The following EPSTI1 variants were observed in gnomAD, a reference collection of about 807,000 sequenced individuals.
The protein encoded by EPSTI1 is epithelial-stromal interaction protein 1.
A neutral mutation model predicts 49.9 loss-of-function variants in EPSTI1; 66 were observed. The ratio of observed to expected loss-of-function variants is 1.32; its 90% CI spans 1.08 to 1.62. The LOEUF (loss-of-function observed/expected upper bound fraction) is 1.62. EPSTI1 is among the 40% of genes most tolerant of loss of function. The pLI is 0.00. For missense variants in EPSTI1, 394 were observed against 365.5 expected (o/e 1.08, Z -0.64); for synonymous variants, 137 against 130.7 (o/e 1.05, Z -0.33).
At chr13:42,983,574 A>AAAAAAAAAC in intron 1 of EPSTI1, among the ~76,000 whole-genome samples, 3 of 101,046 alleles carry the variant, frequency 3.0e-5, no homozygotes, top group African/African-American at 8.0e-5. Context: ...AAAAAAAAAA[A>AAAAAAAAAC]AAAAAAAAAA....
At chr13:42,969,257 A>G in intron 2 of EPSTI1, 80 bp from the exon 3 acceptor site, 1 of 1,375,070 alleles carries the variant, frequency 7.3e-7, no homozygotes, top group South Asian at 1.2e-5. Flanking sequence ...ATAAGAAACA[A>G]CTATTAGAAG....
chr13:42,985,800 C>T (rs1234091653), intron 1 of EPSTI1, among the ~76,000 whole-genome samples: 2 of 152,158 alleles, frequency 1.3e-5, no homozygotes, highest in Non-Finnish European at 2.9e-5. Context: ...CCCTTTGGTC[C>T]ACTTCCTTGT....
At chr13:42,906,342 A>T (rs1180573517) in intron 8 of EPSTI1, among the ~76,000 whole-genome samples, 1 of 152,230 alleles carries the variant, frequency 6.6e-6, no homozygotes, top group Non-Finnish European at 1.5e-5. Flanking sequence ...ACATGCTCCA[A>T]AGCAAAGTTT....
At chr13:42,928,880 A>G (rs1031565178) in intron 6 of EPSTI1, among the ~76,000 whole-genome samples, 2 of 152,186 alleles carry the variant, frequency 1.3e-5, no homozygotes, top group African/African-American at 2.4e-5. Flanking sequence ...ATTCCCATGC[A>G]TGTGCCTCCA....
chr13:42,926,240 T>A (rs2038172662), intron 7 of EPSTI1, 96 bp downstream of exon 7: 2 of 785,190 alleles, frequency 2.5e-6, no homozygotes, highest in Admixed American at 3.5e-5. Context: ...GTTCCAGCAT[T>A]CTATGATGTA....
At chr13:42,936,066 T>C (rs1437692271) in intron 6 of EPSTI1, among the ~76,000 whole-genome samples, 3 of 152,186 alleles carry the variant, frequency 2.0e-5, no homozygotes, top group Non-Finnish European at 4.4e-5. Flanking sequence ...GACTGCTTCC[T>C]CAATTATAAA....
At chr13:42,889,587 AT>A (rs2036969176) in intron 10 of EPSTI1, among the ~76,000 whole-genome samples, 1 of 152,186 alleles carries the variant, frequency 6.6e-6, no homozygotes, top group Non-Finnish European at 1.5e-5. Flanking sequence ...GTCCTCATCT[AT>A]CAGTCTTTAA....
At chr13:42,962,707 G>C (rs2153431060) in intron 5 of EPSTI1, among the ~76,000 whole-genome samples, 1 of 151,788 alleles carries the variant, frequency 6.6e-6, no homozygotes, top group Non-Finnish European at 1.5e-5. Flanking sequence ...CTGACCCCAG[G>C]AGACTGAGGC....
rs2038019971 is a variant in EPSTI1, at chr13:42,922,139, A to G, written c.657+4197T>C. Among the ~76,000 whole-genome samples the G allele has an allele frequency of 6.6e-6, 1 of 152,248 alleles. No individual in the cohort carries two copies. The highest frequency in any genetic ancestry group is 2.1e-4 in the South Asian group (1 of 4,830). ...GAATAATTATAAGAATGAGAGGAAG[A>G]AATGAGTTAATAAGGTCTAAAATTG... is the stretch of plus-strand genomic sequence containing the variant. On this transcript the variant is annotated intron_variant, in intron 7 of 10. Transcript: ENST00000313624. The surrounding 1 kb of genome is among the most constrained non-coding windows in gnomAD (Gnocchi z 4.8).
At chr13:42,928,493 C>T (rs890848453) in intron 6 of EPSTI1, among the ~76,000 whole-genome samples, 3 of 152,174 alleles carry the variant, frequency 2.0e-5, no homozygotes, top group Non-Finnish European at 4.4e-5. Flanking sequence ...GACTCTACTG[C>T]CTGTTGGAGA....
intron 6 of EPSTI1, among the ~76,000 whole-genome samples, chr13:42,932,303 A>G (rs1319263817): frequency 1.3e-5 from 2 of 152,182 alleles, no homozygotes; most frequent in African/African-American, 2.4e-5. Context: ...CCAAAAGTTA[A>G]CTTTATGAAA....
chr13:42,936,224 A>G (rs189948072), intron 6 of EPSTI1, among the ~76,000 whole-genome samples: 5 of 152,250 alleles, frequency 3.3e-5, no homozygotes, highest in Admixed American at 3.3e-4. Context: ...GATCATTTCT[A>G]TCAGCATACA....
chr13:42,949,702 T>C (rs2039038348), intron 6 of EPSTI1, among the ~76,000 whole-genome samples: 1 of 152,098 alleles, frequency 6.6e-6, no homozygotes, highest in African/African-American at 2.4e-5. Context: ...CCAATTCTTA[T>C]ATCTCGAGAA....
At chr13:42,974,254 TGATCCCAGGGGGCAGAGGTTG>T (rs1364293142) in intron 1 of EPSTI1, among the ~76,000 whole-genome samples, 1 of 152,042 alleles carries the variant, frequency 6.6e-6, no homozygotes, top group East Asian at 1.9e-4. Context: ...GAGAATCGCT[TGATCCCAGGGGGCAGAGGTTG>T]CAGTGAGCTG....
rs200576120 is a variant in EPSTI1, at chr13:42,895,109, C to T, written c.816-1G>A. The T allele has an allele frequency of 6.4e-4, 1,036 of 1,607,332 alleles. 13 individuals carry two copies. In the South Asian group the frequency reaches 0.011, roughly 17 times the overall value. On this transcript the variant is annotated splice_acceptor_variant, in intron 9 of 10. Transcript: ENST00000313624. LOFTEE classifies it high-confidence loss of function. ...TCGGTCCAGAAAAGCATTATTTACC[C>T]TTTAAAACAATGAAAAATGTGTGTG...
chr13:42,919,518 G>T (rs2037933951), intron 7 of EPSTI1, among the ~76,000 whole-genome samples: 1 of 152,092 alleles, frequency 6.6e-6, no homozygotes, highest in East Asian at 1.9e-4. Flanking sequence ...CAAAAGCTAT[G>T]CTTATAATGT....
chr13:42,948,534 C>T (rs534073661), intron 6 of EPSTI1, among the ~76,000 whole-genome samples: 14 of 148,562 alleles, frequency 9.4e-5, no homozygotes, highest in East Asian at 8.0e-4. Flanking sequence ...AGTGCAGTGG[C>T]GGCATGACCA....
At chr13:42,909,539 G>A (rs969411778) in intron 8 of EPSTI1, among the ~76,000 whole-genome samples, 1 of 152,028 alleles carries the variant, frequency 6.6e-6, no homozygotes, top group African/African-American at 2.4e-5. Flanking sequence ...ATCAACCTAA[G>A]TGTCCATCAA....
At chr13:42,969,990 G>C (rs1373601375) in intron 2 of EPSTI1, 1 of 152,276 alleles carries the variant, frequency 6.6e-6, no homozygotes, top group African/African-American at 2.4e-5. Flanking sequence ...GTCATATTCT[G>C]CACTGACCCG....
Sources: gnomAD v4.1 joint callset for allele counts (sites outside exome capture counted in the v4.1 genomes callset) on GRCh38, gnomAD v4.1.1 for gene constraint, Gnocchi (gnomAD v3.1) non-coding constraint, MANE v1.5 for transcripts, NCBI Gene and HGNC (gene_info 2026-07-23, HGNC 2026-07-21) for gene names.